ANO6: variants seen among roughly 807,000 people sequenced by gnomAD.
The protein encoded by ANO6 is anoctamin 6.
In ANO6, 106 loss-of-function variants were observed where a neutral mutation model predicts 117.5. The observed-to-expected ratio is 0.90, with a 90% CI of 0.77 to 1.06. ANO6 has a LOEUF of 1.06. Among genes scored for constraint, ANO6 ranks in the 50% least tolerant of loss-of-function variants. The probability of loss-of-function intolerance (pLI) is 0.00; values close to 1 mark genes in which losing one functional copy is unlikely to be tolerated. For missense variants in ANO6, 955 were observed against 1,121.1 expected (o/e 0.85, Z 2.12); for synonymous variants, 367 against 385.1 (o/e 0.95, Z 0.55).
At position 45,402,100 on chromosome 12, in the gene ANO6, G is replaced by A. The variant is rs374688879; in HGVS notation, c.1612+80G>A. ...AAATAGAGACTGTTATCTTTTAGGC[G>A]TTTCAATTCCAGTAGGTTACAATTT... is the stretch of plus-strand genomic sequence containing the variant. On this transcript the variant is annotated intron_variant, in intron 13 of 19. Coordinates refer to ENST00000320560, the MANE Select transcript of ANO6 (RefSeq NM_001025356.3). 1.3e-5 allele frequency: 16 copies of A among 1,236,948 alleles called. No individual in the cohort carries two copies. The South Asian group carries it at 1.5e-4, about 12-fold the overall frequency. The allele number at this position is 1,236,948 out of a possible 1,614,324, so 76.6% of individuals were successfully genotyped here. A position where few individuals can be genotyped will look rare whatever the true frequency, so the allele number is the denominator to read the frequency against.
intron 1 of ANO6, among the ~76,000 whole-genome samples, chr12:45,286,316 C>T (rs937270904): frequency 6.6e-6 from 1 of 152,118 alleles, no homozygotes; most frequent in Non-Finnish European, 1.5e-5. Context: ...TAATCTTAAC[C>T]GTAAAGGCAT....
At chr12:45,258,543 C>T (rs1464701551) in intron 1 of ANO6, among the ~76,000 whole-genome samples, 2 of 152,080 alleles carry the variant, frequency 1.3e-5, no homozygotes, top group Admixed American at 1.3e-4. Context: ...TTACTTCTCT[C>T]TCCTCACCTC....
chr12:45,371,103 G>A lies in ANO6; in HGVS notation c.1104+3310G>A, dbSNP rs1157369921. On this transcript the variant is annotated intron_variant, in intron 9 of 19. Coordinates refer to ENST00000320560, the MANE Select transcript of ANO6 (RefSeq NM_001025356.3). ...CTAGTCAAAGAAAGGGGTGACGAAC[G>A]GCACCTGGAAAATCGGGTCACTCCC... is the stretch of plus-strand genomic sequence containing the variant. Among the ~76,000 whole-genome samples, 4 of 152,166 alleles carry A rather than the reference G, an allele frequency of 2.6e-5. No individual in the cohort carries two copies. In the South Asian group the frequency reaches 6.2e-4, roughly 24 times the overall value.
At chr12:45,432,921 G>C (rs1943663997), downstream of ANO6, among the ~76,000 whole-genome samples, 2 of 152,062 alleles carry the variant, frequency 1.3e-5, no homozygotes, top group African/African-American at 4.8e-5. Flanking sequence ...TCCACACCCT[G>C]CCCCTGCTAT....
intron 10 of ANO6, among the ~76,000 whole-genome samples, chr12:45,387,323 A>G (rs1174244016): frequency 6.6e-6 from 1 of 152,216 alleles, no homozygotes; most frequent in Non-Finnish European, 1.5e-5. Context: ...TATAAGATTG[A>G]GAAAAATACT....
At chr12:45,236,507 C>T (rs1411658880) in intron 1 of ANO6, among the ~76,000 whole-genome samples, 4 of 152,172 alleles carry the variant, frequency 2.6e-5, no homozygotes, top group Non-Finnish European at 5.9e-5. Flanking sequence ...TGATAGTTTG[C>T]TGAGAATGAT....
At chr12:45,377,173 A>G (rs1942050235) in intron 9 of ANO6, among the ~76,000 whole-genome samples, 1 of 150,894 alleles carries the variant, frequency 6.6e-6, no homozygotes, top group East Asian at 2.0e-4. Flanking sequence ...TAGCTTTTCT[A>G]CCCAGTCCCT....
chr12:45,254,140 C>G (rs1937726200), intron 1 of ANO6, among the ~76,000 whole-genome samples: 1 of 152,176 alleles, frequency 6.6e-6, no homozygotes, highest in African/African-American at 2.4e-5. Context: ...GCACTCCAAC[C>G]TAGCAACAGA....
intron 12 of ANO6, among the ~76,000 whole-genome samples, chr12:45,397,950 T>C (rs1242514556): frequency 6.8e-6 from 1 of 147,614 alleles, no homozygotes; most frequent in African/African-American, 2.5e-5. Context: ...ACCTGCACGT[T>C]GTGCACGTGT....
intron 12 of ANO6, among the ~76,000 whole-genome samples, chr12:45,397,177 G>A (rs1942640275): frequency 6.6e-6 from 1 of 152,262 alleles, no homozygotes. Context: ...AGTGGGCAAA[G>A]CATATGAACA....
At chr12:45,286,889 C>T (rs1938933993) in intron 1 of ANO6, among the ~76,000 whole-genome samples, 1 of 152,090 alleles carries the variant, frequency 6.6e-6, no homozygotes, top group African/African-American at 2.4e-5. Context: ...ATCTAAGCTC[C>T]CGTGGTTAGG....
chr12:45,360,740 G>A (rs73281519), intron 8 of ANO6, among the ~76,000 whole-genome samples: 2,039 of 152,164 alleles, frequency 0.013, 40 homozygotes, highest in African/African-American at 0.047. Flanking sequence ...ATGGATGTAG[G>A]TTTATGATTT....
At chr12:45,243,300 C>T (rs1460260760) in intron 1 of ANO6, among the ~76,000 whole-genome samples, 1 of 152,138 alleles carries the variant, frequency 6.6e-6, no homozygotes, top group Non-Finnish European at 1.5e-5. Flanking sequence ...GCCTGGGCTC[C>T]AGAGTGAGAC....
At chr12:45,336,113 T>C (rs1303684505) in intron 3 of ANO6, among the ~76,000 whole-genome samples, 1 of 152,052 alleles carries the variant, frequency 6.6e-6, no homozygotes, top group Non-Finnish European at 1.5e-5. Context: ...ACACTTGCCA[T>C]ACATTTTTGA....
At chr12:45,249,268 A>G (rs1192076249) in intron 1 of ANO6, among the ~76,000 whole-genome samples, 1 of 152,236 alleles carries the variant, frequency 6.6e-6, no homozygotes, top group Non-Finnish European at 1.5e-5. Flanking sequence ...ATTATCTAGG[A>G]AATAGTATGT....
At chr12:45,271,427 G>T (rs755350408) in intron 1 of ANO6, among the ~76,000 whole-genome samples, 1 of 152,070 alleles carries the variant, frequency 6.6e-6, no homozygotes, top group African/African-American at 2.4e-5. Flanking sequence ...AAAAGTAATT[G>T]TCATTACTTT....
rs141697520 is a variant in ANO6, at chr12:45,315,684, A to G, written c.150+13591A>G. 7.2e-3 allele frequency among the ~76,000 whole-genome samples: 1,097 copies of G among 152,162 alleles called. 13 individuals carry two copies. Among genetic ancestry groups the G allele is most frequent in the African/African-American group, 0.025 (1,024 of 41,528 alleles). ...CTTAAATCTTTTCTCTCAGCCCTGC[A>G]TGCTGATACTGCCACATAGAAACCT... On this transcript the variant is annotated intron_variant, in intron 2 of 19. Transcript: ENST00000320560.
chr12:45,240,492 G>A (rs1947725316), intron 1 of ANO6, among the ~76,000 whole-genome samples: 1 of 149,898 alleles, frequency 6.7e-6, no homozygotes, highest in African/African-American at 2.5e-5. Context: ...GATGGGTCTT[G>A]GCTCTTTATC....
intron 10 of ANO6, among the ~76,000 whole-genome samples, chr12:45,384,279 A>G (rs974483507): frequency 3.9e-5 from 6 of 152,244 alleles, no homozygotes; most frequent in Non-Finnish European, 7.3e-5. Context: ...TCTTCTATCC[A>G]GATCATTAAA....
Sources: gnomAD v4.1 joint callset for allele counts (sites outside exome capture counted in the v4.1 genomes callset) on GRCh38, gnomAD v4.1.1 for gene constraint, MANE v1.5 for transcripts, NCBI Gene and HGNC (gene_info 2026-07-23, HGNC 2026-07-21) for gene names.